SERF1B: variants seen among roughly 807,000 people sequenced by gnomAD.
The protein encoded by SERF1B is small EDRK-rich factor 1B, also known as small EDRK-rich factor 1.
intron 2 of SERF1B, among the ~76,000 whole-genome samples, chr5:70,029,462 ATT>A (rs1258748610): frequency 1.4e-5 from 2 of 144,272 alleles, no homozygotes; most frequent in Admixed American, 6.8e-5. Flanking sequence ...TTTTTTTTGA[ATT>A]TTTTTTTTAT....
At chr5:70,036,629 A>ACACACACTCTCT (rs763495681) in intron 2 of SERF1B, among the ~76,000 whole-genome samples, 74 of 49,884 alleles carry the variant, frequency 1.5e-3, no homozygotes, top group Admixed American at 2.0e-3. Context: ...ACACACACAC[A>ACACACACTCTCT]CTCTCTCTCT....
At chr5:70,037,966 A>C (rs1178799751) in intron 2 of SERF1B, among the ~76,000 whole-genome samples, 1 of 114,054 alleles carries the variant, frequency 8.8e-6, no homozygotes, top group African/African-American at 4.8e-5. Context: ...GTCTCAAAAA[A>C]AAAACAAAAA....
chr5:70,037,805 AC>A (rs1774214568), intron 2 of SERF1B, among the ~76,000 whole-genome samples: 1 of 115,400 alleles, frequency 8.7e-6, no homozygotes, highest in Non-Finnish European at 1.7e-5. Context: ...TACTAAAAAT[AC>A]AAAAATTAGC....
intron 2 of SERF1B, among the ~76,000 whole-genome samples, chr5:70,036,625 A>ACTCT (rs1217735761): frequency 7.9e-3 from 398 of 50,602 alleles, no homozygotes; most frequent in Admixed American, 0.045. Flanking sequence ...ACACACACAC[A>ACTCT]CACACTCTCT....
At chr5:70,037,446 TCAAGAC>T (rs1206890528) in intron 2 of SERF1B, among the ~76,000 whole-genome samples, 87 of 124,704 alleles carry the variant, frequency 7.0e-4, no homozygotes, top group African/African-American at 2.8e-3. Flanking sequence ...GGTCGGGAGT[TCAAGAC>T]CAGCCTGGCC....
At chr5:70,036,951 T>A (rs1774199399) in intron 2 of SERF1B, among the ~76,000 whole-genome samples, 1 of 41,952 alleles carries the variant, frequency 2.4e-5, no homozygotes, top group African/African-American at 1.3e-4. Context: ...CTTCACTTCT[T>A]AAAAACAAAA....
At chr5:70,038,120 T>G (rs1411490588) in intron 2 of SERF1B, among the ~76,000 whole-genome samples, 6 of 143,290 alleles carry the variant, frequency 4.2e-5, no homozygotes, top group Admixed American at 4.2e-4. Context: ...GAAATTTACC[T>G]ACCAGCCTGG....
chr5:70,037,572 C>T (rs1333248412), intron 2 of SERF1B, among the ~76,000 whole-genome samples: 1 of 150,836 alleles, frequency 6.6e-6, no homozygotes, highest in Admixed American at 6.6e-5. Flanking sequence ...TCGCTTGAAC[C>T]CGGGAGGTGG....
At chr5:70,041,177 A>T (rs1774250914) in intron 2 of SERF1B, among the ~76,000 whole-genome samples, 1 of 148,830 alleles carries the variant, frequency 6.7e-6, no homozygotes, top group South Asian at 2.1e-4. Context: ...GGAAGGTTCC[A>T]TTGCTCCATA....
At chr5:70,036,623 A>ACTCTCT (rs1561408550) in intron 2 of SERF1B, among the ~76,000 whole-genome samples, 17 of 83,398 alleles carry the variant, frequency 2.0e-4, no homozygotes, top group African/African-American at 7.3e-4. Flanking sequence ...ACACACACAC[A>ACTCTCT]CACACACTCT....
At chr5:70,029,399 G>C (rs1360203775) in intron 2 of SERF1B, among the ~76,000 whole-genome samples, 1 of 150,024 alleles carries the variant, frequency 6.7e-6, no homozygotes, top group African/African-American at 2.5e-5. Flanking sequence ...GCCTCCCAAA[G>C]TGCTGGGATT....
intron 2 of SERF1B, among the ~76,000 whole-genome samples, chr5:70,038,278 T>G (rs1261413716): frequency 6.7e-6 from 1 of 148,718 alleles, no homozygotes. Context: ...TGAATGGATA[T>G]TTCATACAGA....
rs763662756 is a variant in SERF1B, at chr5:70,041,924, C to CTT, written c.*200_*201dup. The CTT allele has an allele frequency of 1.7e-3, 900 of 535,120 alleles. No homozygotes were observed. Among genetic ancestry groups the CTT allele is most frequent in the Middle Eastern group, 2.6e-3 (5 of 1,950 alleles). The allele number at this position is 535,120 out of a possible 1,614,324, so 33.1% of individuals were successfully genotyped here. On this transcript the variant is annotated 3_prime_UTR_variant, in exon 3 of 3. Transcript: ENST00000380750. ...TAGGAAACTTAGATGTAACTTAGCA[C>CTT]TTTTTTTTTTTTTTTTTGAGATGGA...
At chr5:70,029,125 A>G (rs1465598819) in intron 2 of SERF1B, among the ~76,000 whole-genome samples, 1 of 150,924 alleles carries the variant, frequency 6.6e-6, no homozygotes, top group Admixed American at 6.6e-5. Flanking sequence ...ATTTTACTGT[A>G]CTTAGGTTAT....
chr5:70,036,656 C>CTCTCTCTCTCTCTCTT (rs1382517916), intron 2 of SERF1B, among the ~76,000 whole-genome samples: 15 of 150,622 alleles, frequency 1.0e-4, no homozygotes, highest in African/African-American at 3.7e-4. Context: ...CTCTCTCTCT[C>CTCTCTCTCTCTCTCTT]TCTCTCTCAA....
intron 2 of SERF1B, among the ~76,000 whole-genome samples, chr5:70,029,557 C>T (rs1245171169): frequency 3.4e-5 from 5 of 146,248 alleles, no homozygotes; most frequent in African/African-American, 7.7e-5. Context: ...TGGTTTGCTG[C>T]ACCCATCAAC....
chr5:70,031,749 CA>C lies in SERF1B; in HGVS notation c.116+5248del, dbSNP rs549871808. ...TGGGGGACAAAGCGAGACTCCGTCTCAAAAAAAAAAAAAAGTACCCTGAACA... is the reference window on the plus strand; with the variant it reads ...TGGGGGACAAAGCGAGACTCCGTCTCAAAAAAAAAAAAAGTACCCTGAACA... On this transcript the variant is annotated intron_variant, in intron 2 of 2. Transcript: ENST00000380750. Among the ~76,000 whole-genome samples the C allele has an allele frequency of 1.9e-3, 11 of 5,816 alleles. No individual in the cohort carries two copies. The South Asian group carries it at 0.024, about 13-fold the overall frequency. 3.8% of individuals were successfully genotyped at this position (5,816 alleles called of 152,430 possible). A position where few individuals can be genotyped will look rare whatever the true frequency, so the allele number is the denominator to read the frequency against.
At chr5:70,029,207 C>G (rs1442692209) in intron 2 of SERF1B, among the ~76,000 whole-genome samples, 6 of 151,522 alleles carry the variant, frequency 4.0e-5, no homozygotes, top group African/African-American at 9.7e-5. Flanking sequence ...GTGATCTCGG[C>G]TCACTGCAAC....
At chr5:70,035,651 C>CAT (rs1257744882) in intron 2 of SERF1B, among the ~76,000 whole-genome samples, 1 of 41,582 alleles carries the variant, frequency 2.4e-5, no homozygotes, top group Non-Finnish European at 4.8e-5. Flanking sequence ...GGATTACAGG[C>CAT]ATGAGCCACC....
Sources: allele counts gnomAD v4.1 joint callset (sites outside exome capture counted in the v4.1 genomes callset), GRCh38; gene constraint gnomAD v4.1.1; transcripts MANE v1.5; gene names NCBI Gene and HGNC (gene_info 2026-07-23, HGNC 2026-07-21).